The following SETD7 variants were observed in gnomAD, a reference collection of about 807,000 sequenced individuals.
SETD7 encodes the protein SET domain containing 7, histone lysine methyltransferase.
Under a neutral mutation model 41.8 loss-of-function variants are expected in SETD7, and 16 were observed. The observed-to-expected ratio is 0.38, with a 90% CI of 0.26 to 0.58. SETD7 has a LOEUF of 0.58. Among genes scored for constraint, SETD7 ranks in the 20% least tolerant of loss-of-function variants. The pLI is 0.64. For missense variants in SETD7, 346 were observed against 459.7 expected, an observed-to-expected ratio of 0.75 and a Z score of 2.26; for synonymous variants, 163 against 169.7, an observed-to-expected ratio of 0.96 and a Z score of 0.31.
chr4:139,496,260 C>T (rs943385933), exon 8 of SETD7: 1 of 583,702 alleles, frequency 1.7e-6, no homozygotes, highest in African/African-American at 1.9e-5. Flanking sequence ...AAATGGCTCC[C>T]AGAGTGCGAT....
At chr4:139,500,885 C>A (rs955063055) in intron 7 of SETD7, among the ~76,000 whole-genome samples, 1 of 152,100 alleles carries the variant, frequency 6.6e-6, no homozygotes, top group Non-Finnish European at 1.5e-5. Context: ...GAATTTGATT[C>A]TCTTCTCTCC....
chr4:139,496,143 T>G, exon 8 of SETD7: 1 of 436,534 alleles, frequency 2.3e-6, no homozygotes, highest in South Asian at 4.4e-5. Context: ...TAAAAGATAT[T>G]TTATCTAATC....
chr4:139,544,487 A>G (rs565018698), intron 2 of SETD7, among the ~76,000 whole-genome samples: 2 of 152,232 alleles, frequency 1.3e-5, no homozygotes, highest in East Asian at 3.9e-4. Context: ...TTTGTCTGAC[A>G]CACTGGGGTA....
chr4:139,529,301 G>C (rs2592973), intron 3 of SETD7, 81 bp from the exon 4 acceptor site: 1,080,685 of 1,113,154 alleles, frequency 0.97, 525,853 homozygotes, highest in South Asian at 0.99. Flanking sequence ...CTCTTCTGCA[G>C]TCCCATTATT....
chr4:139,506,423 T>C lies in SETD7; in HGVS notation c.*5240A>G, dbSNP rs992172693. ...TTCTTCAACATACCTCACAACCTAA[T>C]AAATGTATTTCAGGATAAAGAGAGA... is the stretch of plus-strand genomic sequence containing the variant. On this transcript the variant is annotated 3_prime_UTR_variant, in exon 8 of 8. Coordinates refer to ENST00000274031, the MANE Select transcript of SETD7 (RefSeq NM_030648.4). The C allele has an allele frequency of 6.6e-6, 1 of 152,614 alleles. No individual in the cohort carries two copies. The highest frequency in any genetic ancestry group is 1.5e-5 in the Non-Finnish European group (1 of 68,044). 9.5% of individuals were successfully genotyped at this position (152,614 alleles called of 1,614,324 possible). A position where few individuals can be genotyped will look rare whatever the true frequency, so the allele number is the denominator to read the frequency against.
intron 2 of SETD7, among the ~76,000 whole-genome samples, chr4:139,543,779 C>T (rs1228935617): frequency 2.0e-4 from 29 of 144,338 alleles, no homozygotes; most frequent in Admixed American, 1.8e-3. Flanking sequence ...GGTGAAACCC[C>T]GTCTCTACTA....
intron 1 of SETD7, among the ~76,000 whole-genome samples, chr4:139,552,378 C>T (rs1245281660): frequency 6.6e-6 from 1 of 152,204 alleles, no homozygotes; most frequent in Non-Finnish European, 1.5e-5. Flanking sequence ...ATGTCTCCTA[C>T]ACATTTCCAG....
chr4:139,540,684 T>A (rs1579220493), intron 2 of SETD7, among the ~76,000 whole-genome samples: 1 of 152,230 alleles, frequency 6.6e-6, no homozygotes, highest in Non-Finnish European at 1.5e-5. Context: ...CCCATTTCAT[T>A]TGCACTCTCT....
At chr4:139,523,725 C>T (rs1191735030) in intron 4 of SETD7, among the ~76,000 whole-genome samples, 1 of 152,132 alleles carries the variant, frequency 6.6e-6, no homozygotes, top group Non-Finnish European at 1.5e-5. Context: ...CAATAAAATG[C>T]TTTGTCATGA....
chr4:139,533,682 G>T (rs1025198208), intron 2 of SETD7, among the ~76,000 whole-genome samples: 5 of 152,210 alleles, frequency 3.3e-5, no homozygotes, highest in Admixed American at 2.0e-4. Flanking sequence ...TCAGGCAATA[G>T]AAATTCTGGT....
At chr4:139,523,085 C>T (rs1300442101) in intron 5 of SETD7, among the ~76,000 whole-genome samples, 1 of 152,110 alleles carries the variant, frequency 6.6e-6, no homozygotes, top group African/African-American at 2.4e-5. Context: ...AGGTTTTACT[C>T]TAGGACAGAC....
chr4:139,523,827 C>T (rs934723430), intron 4 of SETD7, among the ~76,000 whole-genome samples: 1 of 152,162 alleles, frequency 6.6e-6, no homozygotes, highest in Non-Finnish European at 1.5e-5. Context: ...CTACAGAATC[C>T]AACAACTGAA....
At chr4:139,537,058 C>G (rs985459003) in intron 2 of SETD7, among the ~76,000 whole-genome samples, 1 of 152,196 alleles carries the variant, frequency 6.6e-6, no homozygotes, top group Non-Finnish European at 1.5e-5. Context: ...TCACTGCAAC[C>G]TCTGCCTCCT....
chr4:139,501,779 T>C (rs1726582119), downstream of SETD7, among the ~76,000 whole-genome samples: 1 of 152,124 alleles, frequency 6.6e-6, no homozygotes, highest in Non-Finnish European at 1.5e-5. Context: ...CATTAAACAA[T>C]CGAGAACACA....
rs980403956 is a variant in SETD7, at chr4:139,510,714, G to A, written c.*949C>T. On this transcript the variant is annotated 3_prime_UTR_variant, in exon 8 of 8. Coordinates refer to ENST00000274031, the MANE Select transcript of SETD7 (RefSeq NM_030648.4). ...TGCACTGTGCCACAAGCCTGACCGCGCTATGTTATGTACATTTAATGTGTA... is the reference window on the plus strand; with the variant it reads ...TGCACTGTGCCACAAGCCTGACCGCACTATGTTATGTACATTTAATGTGTA... The A allele has an allele frequency of 1.3e-5, 2 of 152,264 alleles. No individual in the cohort carries two copies. Among genetic ancestry groups the A allele is most frequent in the African/African-American group, 2.4e-5 (1 of 41,392 alleles). 9.4% of individuals were successfully genotyped at this position (152,264 alleles called of 1,614,324 possible). A position where few individuals can be genotyped will look rare whatever the true frequency, so the allele number is the denominator to read the frequency against.
chr4:139,508,381 T>A lies in SETD7; in HGVS notation c.*3282A>T, dbSNP rs1474017162. On this transcript the variant is annotated 3_prime_UTR_variant, in exon 8 of 8. Coordinates refer to ENST00000274031, the MANE Select transcript of SETD7 (RefSeq NM_030648.4). ...AGGTACTACAAGACTCAAGAACTCC[T>A]CACTGCTTTCTTTTTGATCCCATCA... 1 of 152,232 alleles carries A rather than the reference T, an allele frequency of 6.6e-6. No homozygotes were observed. Among genetic ancestry groups the A allele is most frequent in the East Asian group, 1.9e-4 (1 of 5,204 alleles). The allele number at this position is 152,232 out of a possible 1,614,324, so 9.4% of individuals were successfully genotyped here.
At chr4:139,543,780 G>A (rs1302996203) in intron 2 of SETD7, among the ~76,000 whole-genome samples, 2 of 136,600 alleles carry the variant, frequency 1.5e-5, no homozygotes, top group African/African-American at 5.6e-5. Flanking sequence ...GTGAAACCCC[G>A]TCTCTACTAA....
At position 139,509,229 on chromosome 4, in the gene SETD7, GAC is replaced by G. The variant is rs1477290429; in HGVS notation, c.*2432_*2433del. The G allele has an allele frequency of 6.6e-6, 1 of 152,526 alleles. No homozygotes were observed. The highest frequency in any genetic ancestry group is 1.9e-4 in the East Asian group (1 of 5,206). The allele number at this position is 152,526 out of a possible 1,614,324, so 9.4% of individuals were successfully genotyped here. A position where few individuals can be genotyped will look rare whatever the true frequency, so the allele number is the denominator to read the frequency against. Reference sequence around the variant, plus strand: ...CCGGCCAGAGAAAGAAGAGCTGGAAGACACAGAGAGTATGAAGAGAGTTGGGA... The same window carrying G: ...CCGGCCAGAGAAAGAAGAGCTGGAAGACAGAGAGTATGAAGAGAGTTGGGA... On this transcript the variant is annotated 3_prime_UTR_variant, in exon 8 of 8. Coordinates refer to ENST00000274031, the MANE Select transcript of SETD7 (RefSeq NM_030648.4).
intron 2 of SETD7, among the ~76,000 whole-genome samples, chr4:139,534,276 T>C (rs1271246022): frequency 6.6e-6 from 1 of 152,236 alleles, no homozygotes; most frequent in African/African-American, 2.4e-5. Flanking sequence ...AAATTTGGAA[T>C]AGGGAAAGAC....
Sources: allele counts gnomAD v4.1 joint callset (sites outside exome capture counted in the v4.1 genomes callset), GRCh38; gene constraint gnomAD v4.1.1; transcripts MANE v1.5; gene names NCBI Gene and HGNC (gene_info 2026-07-23, HGNC 2026-07-21).